The following FGGY variants were observed in gnomAD, a reference collection of about 807,000 sequenced individuals.
FGGY encodes FGGY carbohydrate kinase domain containing.
A neutral mutation model predicts 71.3 loss-of-function variants in FGGY; 72 were observed. That is an observed-to-expected ratio of 1.01 (90% CI 0.84 to 1.23). FGGY has a LOEUF of 1.23. FGGY is among the 50% of genes most tolerant of loss of function. FGGY has a pLI of 0.00. For missense variants in FGGY, 668 were observed against 682.3 expected, an observed-to-expected ratio of 0.98 and a Z score of 0.23; for synonymous variants, 251 against 250.3, an observed-to-expected ratio of 1.00 and a Z score of -0.02.
Position 59,708,238 on chromosome 1 carries a change from C to G in FGGY, c.1512+34105C>G, listed in dbSNP as rs113186886. ...CCTTGGTGCTTTCTACCTTTCCCAT[C>G]TATTCTTTTCCTCCCATTTCATTTT... On this transcript the variant is annotated intron_variant, in intron 14 of 15. Transcript: ENST00000303721. 7.0e-4 allele frequency among the ~76,000 whole-genome samples: 106 copies of G among 152,264 alleles called. 1 individual carries two copies. The highest frequency in any genetic ancestry group is 2.5e-3 in the African/African-American group (103 of 41,560).
intron 7 of FGGY, among the ~76,000 whole-genome samples, chr1:59,551,134 A>T (rs1364939899): frequency 6.6e-6 from 1 of 152,142 alleles, no homozygotes; most frequent in East Asian, 1.9e-4. Flanking sequence ...GATGGTAGTG[A>T]TGATGGTGAC....
intron 1 of FGGY, among the ~76,000 whole-genome samples, chr1:59,320,313 T>G (rs1361760685): frequency 6.6e-6 from 1 of 152,226 alleles, no homozygotes; most frequent in South Asian, 2.1e-4. Flanking sequence ...TGCTGGTTGA[T>G]TTTCTTTCAG....
At chr1:59,309,433 G>A (rs572428278) in intron 1 of FGGY, among the ~76,000 whole-genome samples, 2 of 152,118 alleles carry the variant, frequency 1.3e-5, no homozygotes, top group African/African-American at 2.4e-5. Flanking sequence ...ATTGAAGTAC[G>A]AAGGTTGAGG....
chr1:59,365,931 A>G (rs2056502882), intron 4 of FGGY, among the ~76,000 whole-genome samples: 3 of 152,224 alleles, frequency 2.0e-5, no homozygotes, highest in Admixed American at 6.5e-5. Context: ...TAATTTACCT[A>G]AAGCTACACA....
intron 7 of FGGY, among the ~76,000 whole-genome samples, chr1:59,539,062 A>G (rs1268716779): frequency 2.0e-5 from 3 of 152,128 alleles, no homozygotes; most frequent in Non-Finnish European, 2.9e-5. Context: ...TTAAGTACCT[A>G]GGAAGGAAGA....
intron 5 of FGGY, among the ~76,000 whole-genome samples, chr1:59,451,951 T>A (rs1334086058): frequency 6.6e-6 from 1 of 152,162 alleles, no homozygotes; most frequent in Non-Finnish European, 1.5e-5. Context: ...ATTCAAGTGT[T>A]TCCTGGATTT....
intron 14 of FGGY, among the ~76,000 whole-genome samples, chr1:59,753,221 A>G (rs2098260819): frequency 6.6e-6 from 1 of 152,006 alleles, no homozygotes; most frequent in African/African-American, 2.4e-5. Flanking sequence ...CAGCATTTCC[A>G]TACTAAATTC....
chr1:59,638,501 G>A (rs1408217414), intron 11 of FGGY, 126 bp downstream of exon 11: 1 of 1,088,034 alleles, frequency 9.2e-7, no homozygotes. Context: ...CTGGCTTTGT[G>A]CAGATGCATT....
intron 9 of FGGY, among the ~76,000 whole-genome samples, chr1:59,612,834 A>T (rs2096704117): frequency 6.6e-6 from 1 of 152,200 alleles, no homozygotes; most frequent in African/African-American, 2.4e-5. Flanking sequence ...AAAAAAAGGC[A>T]GGGGTTGCAA....
At chr1:59,530,075 A>G (rs1394529070) in intron 7 of FGGY, among the ~76,000 whole-genome samples, 1 of 152,164 alleles carries the variant, frequency 6.6e-6, no homozygotes, top group African/African-American at 2.4e-5. Flanking sequence ...TCCAGTCTCA[A>G]ACTGGGCATT....
intron 6 of FGGY, among the ~76,000 whole-genome samples, chr1:59,460,880 T>C (rs1311913643): frequency 1.3e-5 from 2 of 152,116 alleles, no homozygotes; most frequent in African/African-American, 2.4e-5. Flanking sequence ...CAGAAAGGAA[T>C]AGCATCAACA....
At position 59,708,259 on chromosome 1, in the gene FGGY, A is replaced by AT. The variant is rs111769786; in HGVS notation, c.1512+34136dup. ...CCATCTATTCTTTTCCTCCCATTTC[A>AT]TTTTTTTTTTCCTCATCTGTCAGAA... On this transcript the variant is annotated intron_variant, in intron 14 of 15. Transcript: ENST00000303721. Among the ~76,000 whole-genome samples, 103 of 149,378 alleles carry AT rather than the reference A, an allele frequency of 6.9e-4. 1 individual carries two copies. The highest frequency in any genetic ancestry group is 3.5e-3 in the Middle Eastern group (1 of 284).
chr1:59,609,164 C>T (rs757577514), intron 9 of FGGY, among the ~76,000 whole-genome samples: 12 of 152,172 alleles, frequency 7.9e-5, no homozygotes, highest in Non-Finnish European at 1.3e-4. Flanking sequence ...TGAAAAATAA[C>T]GGCTAATTTG....
intron 9 of FGGY, among the ~76,000 whole-genome samples, chr1:59,614,682 T>C (rs2096731159): frequency 6.6e-6 from 1 of 152,144 alleles, no homozygotes; most frequent in African/African-American, 2.4e-5. Flanking sequence ...TAAAGGGTAT[T>C]CAATTAGGAA....
chr1:59,627,644 CAGGTACTGTATTCTA>C (rs2096872281), intron 10 of FGGY, among the ~76,000 whole-genome samples: 1 of 151,836 alleles, frequency 6.6e-6, no homozygotes. Context: ...ACCTAGCTCA[CAGGTACTGTATTCTA>C]AGTACCATTC....
chr1:59,608,307 G>A (rs1178370648), intron 9 of FGGY, among the ~76,000 whole-genome samples: 1 of 152,062 alleles, frequency 6.6e-6, no homozygotes, highest in Non-Finnish European at 1.5e-5. Flanking sequence ...ATCCCCTCCA[G>A]TCCCACACAT....
At chr1:59,446,213 G>A (rs1436554334) in intron 5 of FGGY, among the ~76,000 whole-genome samples, 1 of 152,076 alleles carries the variant, frequency 6.6e-6, no homozygotes, top group African/African-American at 2.4e-5. Context: ...TCACGATCTT[G>A]GAATATTTTG....
chr1:59,609,580 TCAGTTACACA>T, intron 9 of FGGY, among the ~76,000 whole-genome samples: 1 of 152,326 alleles, frequency 6.6e-6, no homozygotes, highest in Admixed American at 6.5e-5. Context: ...AGACCTAGGC[TCAGTTACACA>T]CACTCACATT....
At chr1:59,497,738 C>G (rs1432952567) in intron 6 of FGGY, among the ~76,000 whole-genome samples, 2 of 152,212 alleles carry the variant, frequency 1.3e-5, no homozygotes, top group Non-Finnish European at 2.9e-5. Context: ...TTTCTGCACA[C>G]AGAAGGCCAG....
Sources: allele counts gnomAD v4.1 joint callset (sites outside exome capture counted in the v4.1 genomes callset), GRCh38; gene constraint gnomAD v4.1.1; transcripts MANE v1.5; gene names NCBI Gene and HGNC (gene_info 2026-07-23, HGNC 2026-07-21).